The following IQCJ variants were observed in gnomAD, a reference collection of about 807,000 sequenced individuals.
IQCJ encodes the protein IQ motif containing J, also known as IQ domain-containing protein J.
IQCJ carries 9 observed loss-of-function variants against 11.0 expected under a neutral mutation model. The ratio of observed to expected loss-of-function variants is 0.82; its 90% confidence interval spans 0.49 to 1.43. The LOEUF is 1.43. IQCJ is among the 40% of genes most tolerant of loss of function. The pLI is 0.00. For synonymous variants in IQCJ, 55 were observed against 51.3 expected (o/e 1.07, Z -0.31); for missense variants, 146 against 133.2 (o/e 1.10, Z -0.47).
chr3:159,243,110 G>A (rs1727035968), intron 1 of IQCJ, among the ~76,000 whole-genome samples: 1 of 152,184 alleles, frequency 6.6e-6, no homozygotes, highest in Admixed American at 6.5e-5. Context: ...TGGTGGGAAT[G>A]TACAGCAGCT....
At chr3:159,091,662 ACACACACG>A (rs1202698151) in intron 1 of IQCJ, among the ~76,000 whole-genome samples, 2 of 53,404 alleles carry the variant, frequency 3.7e-5, no homozygotes, top group African/African-American at 1.4e-4. Flanking sequence ...ACACACACAC[ACACACACG>A]CATGCACACA....
At chr3:159,260,698 A>G (rs759243315) in intron 3 of IQCJ, among the ~76,000 whole-genome samples, 14 of 152,206 alleles carry the variant, frequency 9.2e-5, no homozygotes, top group Non-Finnish European at 1.8e-4. Context: ...AAACAGAAAT[A>G]AAAATGCACT....
chr3:159,092,948 T>A (rs1300650895), intron 1 of IQCJ, among the ~76,000 whole-genome samples: 1 of 151,922 alleles, frequency 6.6e-6, no homozygotes. Flanking sequence ...TATGAGCTGA[T>A]AAAATTGGTT....
chr3:159,243,511 C>A (rs1727058730), intron 1 of IQCJ, among the ~76,000 whole-genome samples: 1 of 152,118 alleles, frequency 6.6e-6, no homozygotes, highest in Non-Finnish European at 1.5e-5. Flanking sequence ...GTTAATTAAG[C>A]TGGACACAAA....
At chr3:159,229,001 C>T (rs922426338) in intron 1 of IQCJ, among the ~76,000 whole-genome samples, 3 of 152,184 alleles carry the variant, frequency 2.0e-5, no homozygotes, top group Non-Finnish European at 4.4e-5. Context: ...TTATAATATG[C>T]AGGGGGTAAA....
intron 1 of IQCJ, among the ~76,000 whole-genome samples, chr3:159,218,921 C>T (rs1476825227): frequency 6.6e-6 from 1 of 151,982 alleles, no homozygotes; most frequent in Admixed American, 6.6e-5. Flanking sequence ...ACTCGTTTAC[C>T]CCAGCATGTC....
chr3:159,086,264 C>G (rs1166990101), intron 1 of IQCJ, among the ~76,000 whole-genome samples: 1 of 152,114 alleles, frequency 6.6e-6, no homozygotes, highest in African/African-American at 2.4e-5. Context: ...CTGTTCTGTT[C>G]CATTGATCTA....
chr3:159,156,769 A>G (rs908957001), intron 1 of IQCJ, among the ~76,000 whole-genome samples: 3 of 152,198 alleles, frequency 2.0e-5, no homozygotes, highest in Admixed American at 2.0e-4. Context: ...TTTCTTTAGA[A>G]GAAGGGTTCT....
At chr3:159,248,559 C>T (rs1454895010) in intron 2 of IQCJ, among the ~76,000 whole-genome samples, 1 of 152,044 alleles carries the variant, frequency 6.6e-6, no homozygotes, top group Admixed American at 6.6e-5. Context: ...TATTTTTCAC[C>T]TTGGCTGCAC....
chr3:159,211,175 T>C, intron 1 of IQCJ, among the ~76,000 whole-genome samples: 1 of 152,128 alleles, frequency 6.6e-6, no homozygotes, highest in East Asian at 1.9e-4. Flanking sequence ...CTGAAAATAT[T>C]GTATTGGGGG....
intron 3 of IQCJ, among the ~76,000 whole-genome samples, 190 bp downstream of exon 3, chr3:159,252,997 G>T (rs1321093222): frequency 6.6e-6 from 1 of 152,264 alleles, no homozygotes; most frequent in East Asian, 1.9e-4. Flanking sequence ...GGGTAGTACA[G>T]GGAATTATTT....
intron 1 of IQCJ, among the ~76,000 whole-genome samples, chr3:159,197,399 T>C (rs1281638127): frequency 1.3e-5 from 2 of 152,212 alleles, no homozygotes; most frequent in African/African-American, 4.8e-5. Context: ...TGCTCTAGTT[T>C]TTAACTATTC....
At chr3:159,166,476 C>A (rs1382896568) in intron 1 of IQCJ, among the ~76,000 whole-genome samples, 1 of 152,140 alleles carries the variant, frequency 6.6e-6, no homozygotes, top group African/African-American at 2.4e-5. Flanking sequence ...TATGTTGGGA[C>A]AAGTCTTGGG....
chr3:159,203,399 G>A (rs1452899873), intron 1 of IQCJ, among the ~76,000 whole-genome samples: 1 of 151,334 alleles, frequency 6.6e-6, no homozygotes, highest in East Asian at 1.9e-4. Context: ...GATATTCTGG[G>A]TCTTAGGTCT....
intron 1 of IQCJ, among the ~76,000 whole-genome samples, chr3:159,103,076 A>G (rs1718029700): frequency 6.6e-6 from 1 of 152,170 alleles, no homozygotes; most frequent in African/African-American, 2.4e-5. Context: ...ATTTCTACAT[A>G]GGTCTGTCTA....
chr3:159,081,383 G>A (rs1716298732), intron 1 of IQCJ, among the ~76,000 whole-genome samples: 1 of 152,082 alleles, frequency 6.6e-6, no homozygotes, highest in South Asian at 2.1e-4. Context: ...ATTCACCTGA[G>A]GTTGGGGAGG....
intron 1 of IQCJ, among the ~76,000 whole-genome samples, chr3:159,147,488 C>G (rs926446167): frequency 2.6e-5 from 4 of 152,166 alleles, no homozygotes; most frequent in African/African-American, 9.6e-5. Context: ...GGATATCTGT[C>G]TTCTTTCTCA....
intron 1 of IQCJ, among the ~76,000 whole-genome samples, chr3:159,110,097 A>G (rs1291180859): frequency 6.6e-6 from 1 of 152,216 alleles, no homozygotes; most frequent in East Asian, 1.9e-4. Context: ...ATAGCTTTCT[A>G]TAGCTTTTTG....
Position 159,087,426 on chromosome 3 carries a change from G to A in IQCJ, c.9+17985G>A, listed in dbSNP as rs541645476. On this transcript the variant is annotated intron_variant, in intron 1 of 3. Transcript: ENST00000397832. ...TGGCTTTGGTATCAGGATGATGCTG[G>A]CCTCATAAAATGAGTTAGGGAGGAT... 2.0e-5 allele frequency among the ~76,000 whole-genome samples: 3 copies of A among 147,766 alleles called. No homozygotes were observed. The East Asian group carries it at 6.0e-4, about 30-fold the overall frequency.
Sources: gnomAD v4.1 joint callset for allele counts (sites outside exome capture counted in the v4.1 genomes callset) on GRCh38, gnomAD v4.1.1 for gene constraint, MANE v1.5 for transcripts, NCBI Gene and HGNC (gene_info 2026-07-23, HGNC 2026-07-21) for gene names.